Variants in CLSTN2 observed in about 807,000 individuals in gnomAD.
CLSTN2 encodes calsyntenin-2.
A neutral mutation model predicts 101.2 loss-of-function variants in CLSTN2; 48 were observed. The observed-to-expected ratio is 0.47, with a 90% CI of 0.38 to 0.60. The LOEUF (loss-of-function observed/expected upper bound fraction) is 0.60. Ranked by LOEUF, CLSTN2 falls within the 20% of genes least tolerant of loss-of-function variation. The pLI, the probability that CLSTN2 is intolerant of heterozygous loss-of-function variation, is 0.00. For synonymous variants in CLSTN2, 481 were observed against 463.6 expected (o/e 1.04, Z -0.48); for missense variants, 1,160 against 1,238.2 (o/e 0.94, Z 0.95).
At chr3:140,433,615 T>C (rs150696168) in intron 5 of CLSTN2, among the ~76,000 whole-genome samples, 36 of 152,266 alleles carry the variant, frequency 2.4e-4, no homozygotes, top group African/African-American at 8.4e-4. Flanking sequence ...CAAATCCAGT[T>C]CCATTTGACT....
intron 2 of CLSTN2, among the ~76,000 whole-genome samples, chr3:140,375,494 C>CT: frequency 6.6e-6 from 1 of 152,290 alleles, no homozygotes; most frequent in Admixed American, 6.5e-5. Context: ...GCTCTGTCTT[C>CT]TTTTCCATTT....
intron 2 of CLSTN2, among the ~76,000 whole-genome samples, chr3:140,337,460 T>C (rs977267107): frequency 1.3e-5 from 2 of 152,190 alleles, no homozygotes; most frequent in African/African-American, 4.8e-5. Context: ...ACCAGTTATA[T>C]TGGAATAGGG....
intron 1 of CLSTN2, among the ~76,000 whole-genome samples, chr3:139,964,899 CA>C (rs1935567030): frequency 6.6e-6 from 1 of 152,188 alleles, no homozygotes; most frequent in African/African-American, 2.4e-5. Context: ...CACTTCTCTT[CA>C]ATTGGGGAAT....
chr3:140,071,867 G>T (rs1350287801), intron 1 of CLSTN2, among the ~76,000 whole-genome samples: 3 of 134,992 alleles, frequency 2.2e-5, no homozygotes, highest in African/African-American at 6.8e-5. Flanking sequence ...AAATAAAAAA[G>T]AAAAACACCA....
intron 5 of CLSTN2, among the ~76,000 whole-genome samples, chr3:140,444,336 A>T (rs1164208302): frequency 1.3e-5 from 2 of 152,052 alleles, no homozygotes; most frequent in Admixed American, 6.5e-5. Context: ...AGGCTGAGGC[A>T]GGAGAATTTC....
At chr3:140,214,540 C>G (rs1174702751) in intron 2 of CLSTN2, among the ~76,000 whole-genome samples, 2 of 152,078 alleles carry the variant, frequency 1.3e-5, no homozygotes, top group African/African-American at 4.8e-5. Context: ...TCAAAATGTC[C>G]CAGGGACTAG....
In CLSTN2 at chr3:140,273,006, A is replaced by T. The variant is rs115183234; in HGVS notation, c.232+96933A>T. 2.0e-3 allele frequency among the ~76,000 whole-genome samples: 299 copies of T among 152,244 alleles called. 3 individuals carry two copies. Among genetic ancestry groups the T allele is most frequent in the African/African-American group, 6.8e-3 (284 of 41,530 alleles). On this transcript the variant is annotated intron_variant, in intron 2 of 16. Transcript: ENST00000458420. ...CGCTGTCACTCAGTGATCATTTGAT[A>T]TATTCAGAGTCAGACAAAGAAGCAC...
Position 140,115,045 on chromosome 3 carries a change from A to G in CLSTN2, c.110-60906A>G, listed in dbSNP as rs199687355. On this transcript the variant is annotated intron_variant, in intron 1 of 16. Transcript: ENST00000458420. ...TTATTACAAGGCCTTTTGCCCAACCAACACTTTCTTGTTTCTAGGTGATTA... is the reference window on the plus strand; with the variant it reads ...TTATTACAAGGCCTTTTGCCCAACCGACACTTTCTTGTTTCTAGGTGATTA... Among the ~76,000 whole-genome samples the G allele has an allele frequency of 1.9e-4, 29 of 152,258 alleles. No individual in the cohort carries two copies. In the East Asian group the frequency reaches 5.0e-3, roughly 26 times the overall value.
chr3:140,260,802 G>A (rs2086644532), intron 2 of CLSTN2, among the ~76,000 whole-genome samples: 1 of 152,126 alleles, frequency 6.6e-6, no homozygotes, highest in Non-Finnish European at 1.5e-5. Flanking sequence ...TCTCTTGGCT[G>A]TAGTAGTTTC....
chr3:140,372,009 A>T (rs1320935798), intron 2 of CLSTN2, among the ~76,000 whole-genome samples: 2 of 152,114 alleles, frequency 1.3e-5, no homozygotes, highest in African/African-American at 2.4e-5. Context: ...TGGAGCAGGG[A>T]TAACTTCAAG....
intron 8 of CLSTN2, among the ~76,000 whole-genome samples, chr3:140,503,490 C>T (rs756935134): frequency 2.6e-5 from 4 of 152,076 alleles, no homozygotes; most frequent in Admixed American, 6.6e-5. Context: ...TGGGCTATGC[C>T]GTCTAGGTTT....
chr3:140,321,813 C>T (rs570407255), intron 2 of CLSTN2, among the ~76,000 whole-genome samples: 37 of 152,334 alleles, frequency 2.4e-4, no homozygotes, highest in Non-Finnish European at 4.1e-4. Context: ...CCCATTTCTG[C>T]TATTTTAATG....
chr3:140,107,490 A>G (rs554531187), intron 1 of CLSTN2, among the ~76,000 whole-genome samples: 1 of 152,262 alleles, frequency 6.6e-6, no homozygotes, highest in Non-Finnish European at 1.5e-5. Context: ...TTTCACCCTC[A>G]ATGTGAGTGC....
In CLSTN2 at chr3:140,000,136, A is replaced by T. The variant is rs571484457; in HGVS notation, c.109+64653A>T. On this transcript the variant is annotated intron_variant, in intron 1 of 16. Transcript: ENST00000458420. The stretch of plus-strand genomic sequence containing the variant: ...TGTGGGGCTAGCAATGGTTAACAAC[A>T]TAACTACATTTGTAGATGAGGGAAC... 1.1e-4 allele frequency among the ~76,000 whole-genome samples: 17 copies of T among 152,220 alleles called. No homozygotes were observed. In the South Asian group the frequency reaches 3.5e-3, roughly 32 times the overall value.
At chr3:139,955,556 TG>T (rs1182740440) in intron 1 of CLSTN2, among the ~76,000 whole-genome samples, 1 of 6,630 alleles carries the variant, frequency 1.5e-4, no homozygotes, top group Admixed American at 3.9e-3. Flanking sequence ...CTTGAATAAC[TG>T]GTGGTTGGGA....
At chr3:140,243,088 G>T (rs1225468163) in intron 2 of CLSTN2, among the ~76,000 whole-genome samples, 1 of 152,156 alleles carries the variant, frequency 6.6e-6, no homozygotes, top group Non-Finnish European at 1.5e-5. Context: ...AATTATGTAA[G>T]TCAAGTCCCA....
intron 4 of CLSTN2, among the ~76,000 whole-genome samples, chr3:140,412,970 A>G (rs2088382377): frequency 6.6e-6 from 1 of 152,206 alleles, no homozygotes; most frequent in African/African-American, 2.4e-5. Flanking sequence ...TAAAAAACCT[A>G]ATGTTATACG....
rs144701273 is a variant in CLSTN2, at chr3:140,558,844, C to T, written c.2028C>T (p.Asp676=). 3.1e-4 allele frequency: 505 copies of T among 1,613,680 alleles called. 2 individuals carry two copies. The African/African-American group carries it at 5.0e-3, about 16-fold the overall frequency. The change falls in exon 12 of 17, where the codon GAC becomes GAT. Residue 676 remains aspartate (D), a synonymous_variant. Transcript: ENST00000458420. ...STFAKTEAPG[D]VKTTDPKSEV... ...TCGCCAAAACCGAAGCCCCCGGGGA[C>T]GTGAAAACCACAGGTACAGGTGCAT...
chr3:140,111,623 C>T (rs988717478), intron 1 of CLSTN2, among the ~76,000 whole-genome samples: 6 of 152,082 alleles, frequency 3.9e-5, no homozygotes, highest in South Asian at 2.1e-4. Flanking sequence ...AGCTCCTGAT[C>T]GACAACACAT....
Sources: gnomAD v4.1 joint callset for allele counts (sites outside exome capture counted in the v4.1 genomes callset) on GRCh38, gnomAD v4.1.1 for gene constraint, MANE v1.5 for transcripts, NCBI Gene and HGNC (gene_info 2026-07-23, HGNC 2026-07-21) for gene names.